AGMO: variants seen among roughly 807,000 people sequenced by gnomAD.
AGMO encodes the protein glyceryl-ether monooxygenase.
A neutral mutation model predicts 60.2 loss-of-function variants in AGMO; 75 were observed. The observed-to-expected ratio is 1.25, with a 90% CI of 1.03 to 1.51. AGMO has a LOEUF of 1.51. AGMO is among the 40% of genes most tolerant of loss of function. The pLI is 0.00. For synonymous variants in AGMO, 261 were observed against 177.1 expected, an observed-to-expected ratio of 1.47 and a Z score of -3.76; for missense variants, 763 against 525.5, an observed-to-expected ratio of 1.45 and a Z score of -4.42.
At chr7:15,187,727 A>G in the AGMO span, among the ~76,000 whole-genome samples, 2 of 151,988 alleles carry the variant, frequency 1.3e-5, no homozygotes, top group Non-Finnish European at 2.9e-5. Flanking sequence ...TACATCTTCT[A>G]TCTCTCCTGA....
chr7:15,350,913 T>C (rs1782215302), intron 12 of AGMO, among the ~76,000 whole-genome samples: 2 of 152,166 alleles, frequency 1.3e-5, no homozygotes, highest in Admixed American at 1.3e-4. Flanking sequence ...TTAAACATTG[T>C]TCAGTGTTGT....
chr7:15,553,903 C>A (rs1425735008), intron 2 of AGMO, among the ~76,000 whole-genome samples: 10 of 152,040 alleles, frequency 6.6e-5, no homozygotes, highest in Non-Finnish European at 1.5e-4. Context: ...CCACCACATC[C>A]CACACACATT....
intron 10 of AGMO, among the ~76,000 whole-genome samples, chr7:15,376,534 T>TGCCCTGTAACTTGAAATATAA (rs1783459684): frequency 6.6e-6 from 1 of 152,116 alleles, no homozygotes; most frequent in Non-Finnish European, 1.5e-5. Context: ...TACTCTCAGA[T>TGCCCTGTAACTTGAAATATAA]GCCCTGTAAC....
chr7:15,360,367 C>T (rs1196555614), intron 12 of AGMO, among the ~76,000 whole-genome samples: 1 of 152,166 alleles, frequency 6.6e-6, no homozygotes, highest in Non-Finnish European at 1.5e-5. Context: ...ACTTTCACCT[C>T]CCCGGAAAAT....
At chr7:15,370,448 GTTCT>G (rs1783163344) in intron 10 of AGMO, among the ~76,000 whole-genome samples, 1 of 152,164 alleles carries the variant, frequency 6.6e-6, no homozygotes, top group Non-Finnish European at 1.5e-5. Flanking sequence ...GTAGTTCTAA[GTTCT>G]TTGAGAAATT....
rs1781575682 is a variant in AGMO at position 15,442,189 on chromosome 7, G to T, written c.410-11081C>A. Among the ~76,000 whole-genome samples, 4 of 152,136 alleles carry T rather than the reference G, an allele frequency of 2.6e-5. No homozygotes were observed. In the South Asian group the frequency reaches 8.3e-4, roughly 31 times the overall value. ...GTCATGCACATTAGCATTGTTAGTG[G>T]TCTTTGAAGAAGCAATCTGCCCCTG... On this transcript the variant is annotated intron_variant, in intron 3 of 12. Transcript: ENST00000342526.
the AGMO span, among the ~76,000 whole-genome samples, chr7:15,145,546 A>G: frequency 6.6e-6 from 1 of 152,174 alleles, no homozygotes; most frequent in Non-Finnish European, 1.5e-5. Flanking sequence ...GACTATCTCA[A>G]GATGGCAGTA....
At chr7:15,388,666 G>C (rs771724392) in intron 8 of AGMO, among the ~76,000 whole-genome samples, 1 of 152,032 alleles carries the variant, frequency 6.6e-6, no homozygotes, top group Non-Finnish European at 1.5e-5. Flanking sequence ...CTAATAATAA[G>C]GAAAACAAAC....
the AGMO span, among the ~76,000 whole-genome samples, chr7:15,158,604 AAT>A: frequency 6.6e-6 from 1 of 152,322 alleles, no homozygotes; most frequent in East Asian, 1.9e-4. Context: ...CATGCCAATG[AAT>A]ATGTCTTGTG....
intron 12 of AGMO, among the ~76,000 whole-genome samples, chr7:15,268,735 C>T (rs1022141644): frequency 6.6e-6 from 1 of 151,508 alleles, no homozygotes; most frequent in African/African-American, 2.4e-5. Flanking sequence ...ATATGATCTG[C>T]AAAGGTGGGG....
the AGMO span, among the ~76,000 whole-genome samples, chr7:15,153,312 A>T: frequency 7.1e-4 from 108 of 152,018 alleles, 1 homozygote; most frequent in Non-Finnish European, 1.3e-3. Flanking sequence ...TCTGATGATG[A>T]TTTCTTCTCC....
chr7:15,396,857 T>C (rs1784410116), intron 5 of AGMO, among the ~76,000 whole-genome samples: 1 of 152,196 alleles, frequency 6.6e-6, no homozygotes, highest in Admixed American at 6.5e-5. Context: ...TTTACAAACC[T>C]TTAGCTAGAT....
At chr7:15,431,215 T>C (rs1032791473) in intron 3 of AGMO, 107 bp from the exon 4 acceptor site, 2 of 747,488 alleles carry the variant, frequency 2.7e-6, no homozygotes, top group African/African-American at 1.8e-5. Context: ...ATCTGGAACA[T>C]CTCTGTAAAA....
At chr7:15,362,395 A>C (rs188530259) in intron 12 of AGMO, among the ~76,000 whole-genome samples, 1 of 152,184 alleles carries the variant, frequency 6.6e-6, no homozygotes. Flanking sequence ...TCAACAGAGA[A>C]GACTTGCTCA....
chr7:15,317,964 A>G (rs1780989101), intron 12 of AGMO, among the ~76,000 whole-genome samples: 1 of 147,860 alleles, frequency 6.8e-6, no homozygotes, highest in Non-Finnish European at 1.5e-5. Flanking sequence ...CTATATATAT[A>G]TATACACACA....
intron 3 of AGMO, among the ~76,000 whole-genome samples, chr7:15,466,035 C>A (rs530000706): frequency 5.5e-4 from 84 of 152,162 alleles, no homozygotes; most frequent in Non-Finnish European, 2.8e-4. Context: ...GTTGGGGGTA[C>A]AAAAGTGAAT....
At chr7:15,544,624 A>C in intron 3 of AGMO, 148 bp downstream of exon 3, 1 of 680,948 alleles carries the variant, frequency 1.5e-6, no homozygotes. Flanking sequence ...TTAAATTGCA[A>C]AGTAAACCTT....
the AGMO span, among the ~76,000 whole-genome samples, chr7:15,147,451 T>A: frequency 6.6e-6 from 1 of 151,488 alleles, no homozygotes; most frequent in Non-Finnish European, 1.5e-5. Context: ...CATAAAACCA[T>A]TAGATCTTGT....
At chr7:15,281,210 A>C (rs920785120) in intron 12 of AGMO, among the ~76,000 whole-genome samples, 1 of 152,064 alleles carries the variant, frequency 6.6e-6, no homozygotes, top group Non-Finnish European at 1.5e-5. Flanking sequence ...CTCAGCAAGG[A>C]AAGTCTGTAG....
Sources: allele counts gnomAD v4.1 joint callset (sites outside exome capture counted in the v4.1 genomes callset), GRCh38; gene constraint gnomAD v4.1.1; transcripts MANE v1.5; gene names NCBI Gene and HGNC (gene_info 2026-07-23, HGNC 2026-07-21).